The following MCU variants were observed in gnomAD, a reference collection of about 807,000 sequenced individuals.
MCU encodes calcium uniporter protein, mitochondrial.
MCU carries 12 observed loss-of-function variants against 45.2 expected under a neutral mutation model. The ratio of observed to expected loss-of-function variants is 0.27; its 90% CI spans 0.17 to 0.43. MCU has a LOEUF of 0.43. Among genes scored for constraint, MCU ranks in the 20% least tolerant of loss-of-function variants. The pLI, the probability that MCU is intolerant of heterozygous loss-of-function variation, is 1.00. For synonymous variants in MCU, 160 were observed against 165.1 expected (o/e 0.97, Z 0.24); for missense variants, 324 against 436.7 (o/e 0.74, Z 2.30).
intron 1 of MCU, among the ~76,000 whole-genome samples, chr10:72,827,541 C>T (rs1216280871): frequency 6.6e-6 from 1 of 151,980 alleles, no homozygotes; most frequent in South Asian, 2.1e-4. Context: ...ATATTTCTAC[C>T]TTTAACATCA....
At chr10:72,805,667 C>T (rs1178138847) in intron 1 of MCU, among the ~76,000 whole-genome samples, 1 of 152,058 alleles carries the variant, frequency 6.6e-6, no homozygotes, top group Non-Finnish European at 1.5e-5. Context: ...GTTGAATAAA[C>T]CAATTCAACT....
At chr10:72,732,014 C>T (rs1479908471) in intron 1 of MCU, among the ~76,000 whole-genome samples, 2 of 152,182 alleles carry the variant, frequency 1.3e-5, no homozygotes, top group Admixed American at 1.3e-4. Context: ...TGTTGAGGAA[C>T]TGCTGAACTA....
intron 2 of MCU, among the ~76,000 whole-genome samples, chr10:72,835,290 A>G (rs755477327): frequency 1.3e-5 from 2 of 152,132 alleles, no homozygotes; most frequent in African/African-American, 4.8e-5. Context: ...GTGGAGGGAG[A>G]TGTGTTTACA....
chr10:72,793,888 G>A (rs1377445712), intron 1 of MCU, among the ~76,000 whole-genome samples: 1 of 152,148 alleles, frequency 6.6e-6, no homozygotes, highest in Non-Finnish European at 1.5e-5. Flanking sequence ...ACTTCTTGAT[G>A]GGAGGAATAA....
At chr10:72,861,206 T>C (rs1025305477) in intron 4 of MCU, among the ~76,000 whole-genome samples, 4 of 152,014 alleles carry the variant, frequency 2.6e-5, no homozygotes, top group African/African-American at 9.7e-5. Context: ...TTTTTCTTTT[T>C]GTAGAGATGA....
At chr10:72,807,639 C>G (rs1844472468) in intron 1 of MCU, among the ~76,000 whole-genome samples, 3 of 152,080 alleles carry the variant, frequency 2.0e-5, no homozygotes, top group Admixed American at 6.6e-5. Context: ...CATATACATA[C>G]CCACCCTCCC....
intron 1 of MCU, among the ~76,000 whole-genome samples, chr10:72,800,721 T>C (rs954024253): frequency 6.6e-6 from 1 of 152,244 alleles, no homozygotes; most frequent in African/African-American, 2.4e-5. Context: ...ATTTTTGAAT[T>C]CATTTGTGTT....
At chr10:72,814,717 A>G (rs1208486159) in intron 1 of MCU, among the ~76,000 whole-genome samples, 1 of 152,224 alleles carries the variant, frequency 6.6e-6, no homozygotes, top group Non-Finnish European at 1.5e-5. Context: ...ATTCCAAGCA[A>G]TGTACTGATT....
At chr10:72,845,946 G>T (rs1326332134) in intron 2 of MCU, among the ~76,000 whole-genome samples, 3 of 152,076 alleles carry the variant, frequency 2.0e-5, no homozygotes, top group African/African-American at 7.2e-5. Flanking sequence ...ATATATAGGA[G>T]TCTCCCCTCC....
At position 72,885,918 on chromosome 10, in the gene MCU, G is replaced by C; in HGVS notation, c.*96G>C. On this transcript the variant is annotated 3_prime_UTR_variant, in exon 8 of 8. Coordinates refer to ENST00000373053, the MANE Select transcript of MCU (RefSeq NM_138357.3). ...GAAGCTGGGAGCCATGTGGGGGGTA[G>C]AGCGTTTTTACCTTTAATTATAAAA... 1.1e-6 allele frequency: 1 copy of C among 926,704 alleles called. No individual in the cohort carries two copies. The highest frequency in any genetic ancestry group is 1.7e-6 in the Non-Finnish European group (1 of 583,268). The allele number at this position is 926,704 out of a possible 1,614,324, so 57.4% of individuals were successfully genotyped here. A position where few individuals can be genotyped will look rare whatever the true frequency, so the allele number is the denominator to read the frequency against.
chr10:72,796,017 C>T (rs1844239144), intron 1 of MCU, among the ~76,000 whole-genome samples: 1 of 151,842 alleles, frequency 6.6e-6, no homozygotes, highest in African/African-American at 2.4e-5. Context: ...AAAAATATGC[C>T]ACTCTGTAAC....
intron 1 of MCU, among the ~76,000 whole-genome samples, chr10:72,770,010 C>T (rs1266181916): frequency 6.6e-6 from 1 of 152,152 alleles, no homozygotes; most frequent in Non-Finnish European, 1.5e-5. Context: ...TTTCATTCAT[C>T]TCAAAATCGT....
chr10:72,752,194 T>C (rs1191791981), intron 1 of MCU, among the ~76,000 whole-genome samples: 2 of 152,058 alleles, frequency 1.3e-5, no homozygotes, highest in Non-Finnish European at 1.5e-5. Context: ...TAGGAGATAA[T>C]ACTTTTCACG....
At chr10:72,730,405 C>T (rs1271398146) in intron 1 of MCU, among the ~76,000 whole-genome samples, 1 of 150,622 alleles carries the variant, frequency 6.6e-6, no homozygotes, top group Admixed American at 6.6e-5. Context: ...TCTCCTGCCT[C>T]AGCCTCCCGG....
chr10:72,791,032 T>C (rs1287506128), intron 1 of MCU, among the ~76,000 whole-genome samples: 1 of 152,198 alleles, frequency 6.6e-6, no homozygotes, highest in Non-Finnish European at 1.5e-5. Flanking sequence ...AGGAATAGTG[T>C]TCATATTCTA....
At chr10:72,868,667 G>A (rs772083063) in intron 4 of MCU, 36 bp from the exon 5 acceptor site, 2 of 1,598,444 alleles carry the variant, frequency 1.3e-6, no homozygotes, top group African/African-American at 2.7e-5. Flanking sequence ...ATCATTTAAG[G>A]CATACATTTT....
chr10:72,856,828 C>T (rs1845298604), intron 2 of MCU, among the ~76,000 whole-genome samples: 1 of 142,560 alleles, frequency 7.0e-6, no homozygotes, highest in African/African-American at 2.6e-5. Context: ...CTGTAGTTCC[C>T]AGCAACTTGG....
chr10:72,829,951 A>G (rs1844855638), intron 1 of MCU, among the ~76,000 whole-genome samples: 1 of 152,256 alleles, frequency 6.6e-6, no homozygotes, highest in African/African-American at 2.4e-5. Context: ...GTAGTATTTT[A>G]TAATTGCCAG....
intron 1 of MCU, among the ~76,000 whole-genome samples, chr10:72,738,357 T>A (rs895039759): frequency 2.6e-5 from 4 of 152,212 alleles, no homozygotes; most frequent in African/African-American, 9.6e-5. Flanking sequence ...AAGTATATCC[T>A]ACATGCTGGA....
Sources: allele counts gnomAD v4.1 joint callset (sites outside exome capture counted in the v4.1 genomes callset), GRCh38; gene constraint gnomAD v4.1.1; transcripts MANE v1.5; gene names NCBI Gene and HGNC (gene_info 2026-07-23, HGNC 2026-07-21).